RWDD1: variants seen among roughly 807,000 people sequenced by gnomAD.
The protein encoded by RWDD1 is RWD domain-containing protein 1.
A neutral mutation model predicts 31.6 loss-of-function variants in RWDD1; 17 were observed. The ratio of observed to expected loss-of-function variants is 0.54; its 90% CI spans 0.37 to 0.81. RWDD1 has a LOEUF of 0.81. RWDD1 is among the 30% of genes least tolerant of loss of function. The pLI, the probability that RWDD1 is intolerant of heterozygous loss-of-function variation, is 0.00. For missense variants in RWDD1, 204 were observed against 274.5 expected, an observed-to-expected ratio of 0.74 and a Z score of 1.82; for synonymous variants, 78 against 94.2, an observed-to-expected ratio of 0.83 and a Z score of 0.99.
intron 2 of RWDD1, among the ~76,000 whole-genome samples, chr6:116,583,233 G>A (rs1464666612): frequency 6.6e-6 from 1 of 152,054 alleles, no homozygotes; most frequent in Non-Finnish European, 1.5e-5. Context: ...TACCTTGGCT[G>A]TCCAAAGTAC....
At chr6:116,574,617 C>T (rs1774801762) in intron 1 of RWDD1, among the ~76,000 whole-genome samples, 1 of 152,130 alleles carries the variant, frequency 6.6e-6, no homozygotes. Context: ...CCTAACATCT[C>T]TCCTGCCCTT....
intron 1 of RWDD1, among the ~76,000 whole-genome samples, chr6:116,578,278 C>T (rs184968374): frequency 4.6e-5 from 7 of 152,198 alleles, no homozygotes; most frequent in East Asian, 3.9e-4. Flanking sequence ...AGTTACATGT[C>T]GGTTTAGTTG....
chr6:116,571,828 T>G (rs925390237), intron 1 of RWDD1, among the ~76,000 whole-genome samples, 173 bp downstream of exon 1: 1 of 151,982 alleles, frequency 6.6e-6, no homozygotes, highest in Non-Finnish European at 1.5e-5. Context: ...ACCCAGTGAC[T>G]TTTTCTCCTT....
At chr6:116,582,725 T>G (rs1774968400) in intron 2 of RWDD1, among the ~76,000 whole-genome samples, 1 of 152,062 alleles carries the variant, frequency 6.6e-6, no homozygotes, top group Non-Finnish European at 1.5e-5. Context: ...CCTTTTCTAT[T>G]GTTTTTCTGA....
Position 116,577,923 on chromosome 6 carries a change from A to G in RWDD1, c.74-2372A>G, listed in dbSNP as rs7757528. ...CAAATGGAATAATTTCTTATTCCCTATATATATCTTTAGCTTTGCCACCAT... is the reference window on the plus strand; with the variant it reads ...CAAATGGAATAATTTCTTATTCCCTGTATATATCTTTAGCTTTGCCACCAT... On this transcript the variant is annotated intron_variant, in intron 1 of 6. Transcript: ENST00000466444. Among the ~76,000 whole-genome samples, 13 of 151,992 alleles carry G rather than the reference A, an allele frequency of 8.6e-5. No individual in the cohort carries two copies. The East Asian group carries it at 1.2e-3, about 14-fold the overall frequency.
intron 1 of RWDD1, 36 bp from the exon 2 acceptor site, chr6:116,580,259 A>T: frequency 6.7e-7 from 1 of 1,495,404 alleles, no homozygotes; most frequent in Middle Eastern, 1.8e-4. Flanking sequence ...TGCCTTAGAA[A>T]GCATTTCAAT....
At chr6:116,584,366 C>T (rs1028292329) in intron 2 of RWDD1, among the ~76,000 whole-genome samples, 2 of 148,914 alleles carry the variant, frequency 1.3e-5, no homozygotes, top group African/African-American at 5.0e-5. Flanking sequence ...CTGGTAGAGG[C>T]TGAAAATGAG....
chr6:116,579,079 T>C (rs888911860), intron 1 of RWDD1, among the ~76,000 whole-genome samples: 1 of 152,202 alleles, frequency 6.6e-6, no homozygotes, highest in Non-Finnish European at 1.5e-5. Flanking sequence ...TTTCACCATG[T>C]TGGCCAGGCT....
At chr6:116,580,437 A>G in intron 2 of RWDD1, 77 bp downstream of exon 2, 2 of 1,079,552 alleles carry the variant, frequency 1.9e-6, no homozygotes, top group South Asian at 3.0e-5. Flanking sequence ...ATTATGCTGG[A>G]TATTGTCATG....
chr6:116,571,653 C>T lies in RWDD1; in HGVS notation c.71C>T (p.Thr24Ile), dbSNP rs772105705. The change falls in exon 1 of 7, where the codon ACA (threonine) becomes ATA (isoleucine). Residue 24 changes from threonine (T) to isoleucine (I), a missense_variant and splice_region_variant. Coordinates refer to ENST00000466444, the MANE Select transcript of RWDD1 (RefSeq NM_015952.4). Reference sequence around the variant, plus strand: ...GAGTCCATCTACCCTGACTCCTTCACAGGTGACTCCCGCGGCCGCAAGCCT... The same window carrying T: ...GAGTCCATCTACCCTGACTCCTTCATAGGTGACTCCCGCGGCCGCAAGCCT... ...ALESIYPDSFTVLSENPPSFT... is the reference protein window; with the variant it reads ...ALESIYPDSFIVLSENPPSFT... 7 of 1,611,846 alleles carry T rather than the reference C, an allele frequency of 4.3e-6. No individual in the cohort carries two copies. The highest frequency in any genetic ancestry group is 5.9e-6 in the Non-Finnish European group (7 of 1,179,244).
At chr6:116,571,723 C>T in intron 1 of RWDD1, 68 bp downstream of exon 1, 3 of 1,442,674 alleles carry the variant, frequency 2.1e-6, no homozygotes, top group African/African-American at 1.4e-5. Context: ...GCTGCCGCAG[C>T]TCTGGGCCTC....
intron 2 of RWDD1, among the ~76,000 whole-genome samples, chr6:116,581,513 A>G (rs187847416): frequency 2.6e-4 from 39 of 152,184 alleles, no homozygotes; most frequent in Non-Finnish European, 5.0e-4. Flanking sequence ...ATTATCCACC[A>G]TACTTTCAAA....
chr6:116,585,838 A>C (rs1421570781), intron 3 of RWDD1, among the ~76,000 whole-genome samples: 5 of 152,132 alleles, frequency 3.3e-5, no homozygotes, highest in Admixed American at 3.3e-4. Flanking sequence ...TCTGTCACCC[A>C]GGCTGGAGGG....
intron 5 of RWDD1, 143 bp downstream of exon 5, chr6:116,590,547 T>C: frequency 9.3e-7 from 1 of 1,071,750 alleles, no homozygotes; most frequent in African/African-American, 1.6e-5. Context: ...ATCTACCAGA[T>C]GATGTTTCTC....
intron 2 of RWDD1, 94 bp from the exon 3 acceptor site, chr6:116,584,633 G>T: frequency 9.0e-7 from 1 of 1,108,234 alleles, no homozygotes; most frequent in Non-Finnish European, 1.3e-6. Flanking sequence ...TTCTTTGTAG[G>T]AAAATCTATT....
At position 116,594,377 on chromosome 6, in the gene RWDD1, T is replaced by C. The variant is rs1215175340; in HGVS notation, c.*1276T>C. 2.0e-5 allele frequency: 3 copies of C among 152,132 alleles called. No homozygotes were observed. The highest frequency in any genetic ancestry group is 7.2e-5 in the African/African-American group (3 of 41,422). The allele number at this position is 152,132 out of a possible 1,614,324, so 9.4% of individuals were successfully genotyped here. A position where few individuals can be genotyped will look rare whatever the true frequency, so the allele number is the denominator to read the frequency against. Reference sequence around the variant, plus strand: ...ATTACAGTATTTAAATTAGAATCATTTGTGGAGTTTCTAAAAGGTATGCAT... The same window carrying C: ...ATTACAGTATTTAAATTAGAATCATCTGTGGAGTTTCTAAAAGGTATGCAT... On this transcript the variant is annotated 3_prime_UTR_variant, in exon 7 of 7. Transcript: ENST00000466444.
intron 3 of RWDD1, 144 bp downstream of exon 3, chr6:116,585,001 T>C (rs1775013801): frequency 1.4e-6 from 1 of 693,958 alleles, no homozygotes; most frequent in African/African-American, 1.8e-5. Flanking sequence ...AGAGCATCTT[T>C]ATTTTTGTTT....
chr6:116,574,115 C>A, intron 1 of RWDD1: 1 of 289,168 alleles, frequency 3.5e-6, no homozygotes, highest in Non-Finnish European at 5.2e-6. Flanking sequence ...TATAAATGGA[C>A]TCTCCTGATA....
chr6:116,587,064 C>G (rs1351793115), intron 3 of RWDD1, among the ~76,000 whole-genome samples: 2 of 152,092 alleles, frequency 1.3e-5, no homozygotes, highest in Non-Finnish European at 2.9e-5. Context: ...TATCGGAATA[C>G]TTAACTTTTC....
Sources: gnomAD v4.1 joint callset for allele counts (sites outside exome capture counted in the v4.1 genomes callset) on GRCh38, gnomAD v4.1.1 for gene constraint, MANE v1.5 for transcripts, NCBI Gene and HGNC (gene_info 2026-07-23, HGNC 2026-07-21) for gene names.